QTMAN: variants seen among roughly 807,000 people sequenced by gnomAD.
QTMAN encodes the protein tRNA-queuosine alpha-mannosyltransferase.
the QTMAN span, among the ~76,000 whole-genome samples, chr2:144,076,891 G>A: frequency 6.6e-6 from 1 of 151,990 alleles, no homozygotes; most frequent in African/African-American, 2.4e-5. Flanking sequence ...TGCTGAGGCA[G>A]GAGGATCACT....
the QTMAN span, among the ~76,000 whole-genome samples, chr2:144,194,824 C>T: frequency 6.6e-6 from 1 of 152,144 alleles, no homozygotes; most frequent in African/African-American, 2.4e-5. Context: ...CAGATGGCAC[C>T]ATTTCATTAT....
At chr2:144,078,429 T>C in the QTMAN span, among the ~76,000 whole-genome samples, 1 of 152,232 alleles carries the variant, frequency 6.6e-6, no homozygotes, top group Non-Finnish European at 1.5e-5. Context: ...GACTTGCTTT[T>C]AGATGCAACA....
chr2:144,167,446 C>T, the QTMAN span, among the ~76,000 whole-genome samples: 6,939 of 152,168 alleles, frequency 0.046, 527 homozygotes, highest in African/African-American at 0.16. Flanking sequence ...GGCTCCCTGT[C>T]CCCACCCAAA....
At chr2:144,263,746 C>G in the QTMAN span, among the ~76,000 whole-genome samples, 1 of 152,102 alleles carries the variant, frequency 6.6e-6, no homozygotes, top group Non-Finnish European at 1.5e-5. Flanking sequence ...AATCAGAATA[C>G]TGCACTAGAC....
the QTMAN span, among the ~76,000 whole-genome samples, chr2:143,999,659 C>T: frequency 6.6e-6 from 1 of 152,082 alleles, no homozygotes. Flanking sequence ...CTTCCCAACT[C>T]ACCCACCCCT....
chr2:144,325,291 G>A, the QTMAN span, among the ~76,000 whole-genome samples: 1 of 152,274 alleles, frequency 6.6e-6, no homozygotes, highest in East Asian at 1.9e-4. Flanking sequence ...TTGACAGGAA[G>A]GTGACAAAAT....
At chr2:144,008,654 T>A in the QTMAN span, among the ~76,000 whole-genome samples, 1 of 151,024 alleles carries the variant, frequency 6.6e-6, no homozygotes, top group African/African-American at 2.4e-5. Flanking sequence ...CAGAGGTAGG[T>A]GAAAAAGAAA....
At chr2:143,953,940 G>C in the QTMAN span, among the ~76,000 whole-genome samples, 14,581 of 151,812 alleles carry the variant, frequency 0.096, 1,029 homozygotes, top group African/African-American at 0.19. Flanking sequence ...CCTATGTTAA[G>C]TGAAATTAAA....
chr2:144,258,098 T>G, the QTMAN span, among the ~76,000 whole-genome samples: 5 of 150,576 alleles, frequency 3.3e-5, no homozygotes, highest in African/African-American at 1.2e-4. Context: ...TATTCAGTAC[T>G]GAAACAGTCA....
At chr2:144,163,299 T>C in the QTMAN span, among the ~76,000 whole-genome samples, 2 of 151,830 alleles carry the variant, frequency 1.3e-5, no homozygotes, top group Non-Finnish European at 2.9e-5. Flanking sequence ...ATTTAAAAAA[T>C]AAAAAATATT....
At chr2:144,290,389 G>A in the QTMAN span, among the ~76,000 whole-genome samples, 6 of 151,998 alleles carry the variant, frequency 3.9e-5, no homozygotes, top group Admixed American at 2.0e-4. Context: ...CCCTCCTATC[G>A]AAACTTCTAT....
At chr2:144,124,331 C>T in the QTMAN span, among the ~76,000 whole-genome samples, 72 of 152,206 alleles carry the variant, frequency 4.7e-4, no homozygotes, top group African/African-American at 1.6e-3. Flanking sequence ...GGACTACAGG[C>T]AAATTACTTA....
the QTMAN span, among the ~76,000 whole-genome samples, chr2:144,261,190 T>C: frequency 3.7e-3 from 566 of 152,310 alleles, 11 homozygotes; most frequent in Admixed American, 0.033. Flanking sequence ...TAAGAACACA[T>C]TTAATCAAAT....
At chr2:144,070,439 A>G in the QTMAN span, among the ~76,000 whole-genome samples, 1 of 152,194 alleles carries the variant, frequency 6.6e-6, no homozygotes, top group African/African-American at 2.4e-5. Flanking sequence ...ATTTATATTA[A>G]CAAACTCTAT....
chr2:144,163,909 T>C, the QTMAN span, among the ~76,000 whole-genome samples: 1 of 151,432 alleles, frequency 6.6e-6, no homozygotes, highest in Non-Finnish European at 1.5e-5. Context: ...AGCTATGCGA[T>C]TTAGGGAAAG....
At chr2:144,023,731 G>A in the QTMAN span, among the ~76,000 whole-genome samples, 1 of 152,084 alleles carries the variant, frequency 6.6e-6, no homozygotes, top group Non-Finnish European at 1.5e-5. Context: ...CCACAAAGAT[G>A]CACAAACATC....
chr2:144,040,094 T>C, the QTMAN span, among the ~76,000 whole-genome samples: 8,844 of 152,306 alleles, frequency 0.058, 870 homozygotes, highest in African/African-American at 0.2. Flanking sequence ...ACTGTCTTTT[T>C]CTTTAAATGT....
the QTMAN span, among the ~76,000 whole-genome samples, chr2:144,281,515 A>T: frequency 6.6e-6 from 1 of 151,892 alleles, no homozygotes; most frequent in Non-Finnish European, 1.5e-5. Context: ...GAACTATAGT[A>T]GTGGTGTTAT....
At chr2:144,145,498 C>G in the QTMAN span, 1 of 1,082,170 alleles carries the variant, frequency 9.2e-7, no homozygotes, top group Non-Finnish European at 1.4e-6. Flanking sequence ...AGTAGGTCTC[C>G]AGATTTAAAA....
Sources: gnomAD v4.1 joint callset for allele counts (sites outside exome capture counted in the v4.1 genomes callset) on GRCh38, gnomAD v4.1.1 for gene constraint, MANE v1.5 for transcripts, NCBI Gene and HGNC (gene_info 2026-07-23, HGNC 2026-07-21) for gene names.